Variants in PRKCSH observed in about 807,000 individuals in gnomAD.
The protein encoded by PRKCSH is glucosidase 2 subunit beta.
PRKCSH carries 42 observed loss-of-function variants against 79.7 expected under a neutral mutation model. That is an observed-to-expected ratio of 0.53 (90% confidence interval 0.41 to 0.68). The LOEUF (loss-of-function observed/expected upper bound fraction) is 0.68. Among genes scored for constraint, PRKCSH ranks in the 30% least tolerant of loss-of-function variants. The pLI is 0.00. For synonymous variants in PRKCSH, 325 were observed against 288.2 expected (o/e 1.13, Z -1.29); for missense variants, 686 against 709.0 (o/e 0.97, Z 0.37).
Position 11,442,638 on chromosome 19 carries a change from CT to C in PRKCSH, c.598+125del, listed in dbSNP as rs1970115344. On this transcript the variant is annotated intron_variant, in intron 7 of 17. Transcript: ENST00000677123. Reference sequence around the variant, plus strand: ...GGTTTTTGATCATGCTGCCCATCGCCTTGTGTGCTTTGAGGTTCGCTTGGAT... The same window carrying C: ...GGTTTTTGATCATGCTGCCCATCGCCTGTGTGCTTTGAGGTTCGCTTGGAT... 9.0e-6 allele frequency: 13 copies of C among 1,443,868 alleles called. No individual in the cohort carries two copies. The East Asian group carries it at 3.3e-4, about 37-fold the overall frequency. 89.4% of individuals were successfully genotyped at this position (1,443,868 alleles called of 1,614,324 possible).
intron 9 of PRKCSH, 133 bp from the exon 10 acceptor site, chr19:11,446,941 C>T (rs943331204): frequency 1.7e-5 from 15 of 895,464 alleles, no homozygotes; most frequent in East Asian, 5.1e-5. Context: ...GCCTCACTGG[C>T]GTGGCCCTGG....
Position 11,449,438 on chromosome 19 carries a change from G to A in PRKCSH, c.*16+10G>A. 6.2e-7 allele frequency: 1 copy of A among 1,612,814 alleles called. No individual in the cohort carries two copies. Among genetic ancestry groups the A allele is most frequent in the Non-Finnish European group, 8.5e-7 (1 of 1,179,854 alleles). On this transcript the variant is annotated intron_variant, in intron 17 of 17. Coordinates refer to ENST00000677123, the MANE Select transcript of PRKCSH (RefSeq NM_001289104.2). This position sits in a 1 kb window ranked among gnomAD's most constrained non-coding sequence, Gnocchi z 6.4. ...CTGGATGGGCGCAGAGGTGGGCGGGGAGGTGGAGTCTCGTCGGCCTGCCCC... is the reference window on the plus strand; with the variant it reads ...CTGGATGGGCGCAGAGGTGGGCGGGAAGGTGGAGTCTCGTCGGCCTGCCCC...
chr19:11,437,720 C>T (rs1428112081), intron 3 of PRKCSH, among the ~76,000 whole-genome samples, 156 bp from the exon 4 acceptor site: 2 of 152,158 alleles, frequency 1.3e-5, no homozygotes, highest in African/African-American at 4.8e-5. Context: ...TTATTTCGAG[C>T]CCTGGCTGTG....
chr19:11,439,126 C>G (rs879426228), intron 5 of PRKCSH, among the ~76,000 whole-genome samples: 2 of 152,064 alleles, frequency 1.3e-5, no homozygotes, highest in Non-Finnish European at 2.9e-5. Context: ...AGGCTGGCCT[C>G]GAACGCCTGA....
chr19:11,446,984 C>G, intron 9 of PRKCSH, 90 bp from the exon 10 acceptor site: 2 of 1,394,714 alleles, frequency 1.4e-6, no homozygotes, highest in South Asian at 1.2e-5. Flanking sequence ...CCAGCCCTCC[C>G]GTGCCTGGCA....
In PRKCSH at chr19:11,442,273, G is replaced by A; in HGVS notation, c.469-113G>A. On this transcript the variant is annotated intron_variant, in intron 6 of 17. Coordinates refer to ENST00000677123, the MANE Select transcript of PRKCSH (RefSeq NM_001289104.2). ...GCTCGGGAGAGAGACCCAGCTTGGT[G>A]TGTGTTTTGGAACATCTCCCTGCTG... 2.8e-6 allele frequency: 4 copies of A among 1,442,272 alleles called. No individual in the cohort carries two copies. The South Asian group carries it at 4.9e-5, about 18-fold the overall frequency. 89.3% of individuals were successfully genotyped at this position (1,442,272 alleles called of 1,614,324 possible).
At chr19:11,441,892 C>T (rs943538478) in intron 6 of PRKCSH, among the ~76,000 whole-genome samples, 2 of 152,186 alleles carry the variant, frequency 1.3e-5, no homozygotes, top group Non-Finnish European at 2.9e-5. Flanking sequence ...GCCAGGGCTG[C>T]TGGACAAAGG....
rs1164198091 is a variant in PRKCSH at position 11,447,984 on chromosome 19, C to T, written c.1126+195C>T. On this transcript the variant is annotated intron_variant, in intron 12 of 17. Transcript: ENST00000677123. The surrounding 1 kb of genome is among the most constrained non-coding windows in gnomAD (Gnocchi z 5.6). ...CGCCAGCCCCAAGGGGCCCTTCTGC[C>T]TCCCCAAGGGCCGCAGCTTGTTTGT... The T allele has an allele frequency of 7.8e-6, 6 of 772,534 alleles. No homozygotes were observed. The African/African-American group carries it at 8.8e-5, about 11-fold the overall frequency. The allele number at this position is 772,534 out of a possible 1,614,324, so 47.9% of individuals were successfully genotyped here.
intron 5 of PRKCSH, among the ~76,000 whole-genome samples, chr19:11,438,879 T>G (rs1969912007): frequency 6.6e-6 from 1 of 152,052 alleles, no homozygotes; most frequent in Admixed American, 6.6e-5. Flanking sequence ...CTGATCCTTT[T>G]GTAGTTCATA....
chr19:11,438,034 C>A, intron 4 of PRKCSH, 33 bp from the exon 5 acceptor site: 1 of 1,614,010 alleles, frequency 6.2e-7, no homozygotes, highest in Non-Finnish European at 8.5e-7. Context: ...GAGGCACTGC[C>A]AGGTCTGATC....
intron 7 of PRKCSH, among the ~76,000 whole-genome samples, chr19:11,443,634 C>T (rs965503454): frequency 2.0e-5 from 3 of 151,958 alleles, no homozygotes; most frequent in African/African-American, 2.4e-5. Context: ...CGCTGGAACC[C>T]GGGAGACAGA....
Position 11,449,908 on chromosome 19 carries a change from G to A in PRKCSH, c.*16+480G>A, listed in dbSNP as rs779739786. On this transcript the variant is annotated intron_variant, in intron 17 of 17. Coordinates refer to ENST00000677123, the MANE Select transcript of PRKCSH (RefSeq NM_001289104.2). The surrounding 1 kb of genome is among the most constrained non-coding windows in gnomAD (Gnocchi z 6.4). The stretch of plus-strand genomic sequence containing the variant: ...GCTGGAATGTGGAATGCAATGGCGC[G>A]ATCTCGGCTCACTGCAACCTCCACC... 2.3e-4 allele frequency: 45 copies of A among 195,104 alleles called. No individual in the cohort carries two copies. The highest frequency in any genetic ancestry group is 4.4e-4 in the Non-Finnish European group (41 of 93,774). The allele number at this position is 195,104 out of a possible 1,614,324, so 12.1% of individuals were successfully genotyped here.
Position 11,448,470 on chromosome 19 carries a change from T to G in PRKCSH, c.1197-70T>G. 4.0e-6 allele frequency: 6 copies of G among 1,491,490 alleles called. No homozygotes were observed. The highest frequency in any genetic ancestry group is 5.6e-6 in the Non-Finnish European group (6 of 1,069,014). 92.4% of individuals were successfully genotyped at this position (1,491,490 alleles called of 1,614,324 possible). A position where few individuals can be genotyped will look rare whatever the true frequency, so the allele number is the denominator to read the frequency against. On this transcript the variant is annotated intron_variant, in intron 13 of 17. Transcript: ENST00000677123. This position sits in a 1 kb window ranked among gnomAD's most constrained non-coding sequence, Gnocchi z 4.4. ...GCACCATTGCTCAGCCAGACCCTCC[T>G]GTGTCTGTCGTCCTGGGTCAGGCAC...
At chr19:11,437,717 G>C (rs760633416) in intron 3 of PRKCSH, among the ~76,000 whole-genome samples, 159 bp from the exon 4 acceptor site, 35 of 152,164 alleles carry the variant, frequency 2.3e-4, no homozygotes, top group Non-Finnish European at 2.2e-4. Context: ...GCTTTATTTC[G>C]AGCCCTGGCT....
intron 9 of PRKCSH, 68 bp downstream of exon 9, chr19:11,446,418 G>T (rs527914816): frequency 6.5e-7 from 1 of 1,534,904 alleles, no homozygotes; most frequent in African/African-American, 1.4e-5. Context: ...TCAGGGCACA[G>T]GAGGGGGACC....
At chr19:11,440,821 GTTTTTTTATT>G (rs1449698470) in intron 5 of PRKCSH, among the ~76,000 whole-genome samples, 1 of 151,960 alleles carries the variant, frequency 6.6e-6, no homozygotes, top group Non-Finnish European at 1.5e-5. Context: ...GTCTTCTGTG[GTTTTTTTATT>G]TGTTTTAATT....
rs751499412 is a variant in PRKCSH at position 11,447,785 on chromosome 19, C to T, written c.1122C>T (p.Ile374=). ...ACGACGAGCAGACGCAGGCCTTCAT[C>T]GATGGTGAGGGTGGGCGGGGGCCAG... ...PPYDEQTQAF[I]DAAQEARNKF... is the part of the protein sequence containing the mutation. The change falls in exon 12 of 18, where the codon ATC becomes ATT. Residue 374 remains isoleucine, a synonymous_variant. Coordinates refer to ENST00000677123, the MANE Select transcript of PRKCSH (RefSeq NM_001289104.2). This position sits in a 1 kb window ranked among gnomAD's most constrained non-coding sequence, Gnocchi z 5.6. 4.4e-6 allele frequency: 7 copies of T among 1,574,118 alleles called. No homozygotes were observed. The highest frequency in any genetic ancestry group is 4.7e-5 in the East Asian group (2 of 42,830).
At chr19:11,438,940 C>T (rs1453214649) in intron 5 of PRKCSH, among the ~76,000 whole-genome samples, 4 of 151,816 alleles carry the variant, frequency 2.6e-5, no homozygotes, top group African/African-American at 7.3e-5. Context: ...CAGGGTCTCA[C>T]TCTGTCGCCC....
At chr19:11,440,813 C>T (rs1190795430) in intron 5 of PRKCSH, among the ~76,000 whole-genome samples, 1 of 152,096 alleles carries the variant, frequency 6.6e-6, no homozygotes, top group Admixed American at 6.6e-5. Context: ...TCTGTTCTGT[C>T]TTCTGTGGTT....
Sources: allele counts gnomAD v4.1 joint callset (sites outside exome capture counted in the v4.1 genomes callset), GRCh38; gene constraint gnomAD v4.1.1; non-coding constraint Gnocchi (gnomAD v3.1); transcripts MANE v1.5; gene names NCBI Gene and HGNC (gene_info 2026-07-23, HGNC 2026-07-21).